Variants in GOLGA1 observed in about 807,000 individuals in gnomAD.
GOLGA1 encodes the protein golgin A1, also known as golgin subfamily A member 1.
Under a neutral mutation model 119.7 loss-of-function variants are expected in GOLGA1, and 63 were observed. The ratio of observed to expected loss-of-function variants is 0.53; its 90% confidence interval spans 0.43 to 0.65. The LOEUF is 0.65. Ranked by LOEUF, GOLGA1 falls within the 30% of genes least tolerant of loss-of-function variation. The probability of loss-of-function intolerance (pLI) is 0.00; values close to 1 mark genes in which losing one functional copy is unlikely to be tolerated. For synonymous variants in GOLGA1, 318 were observed against 333.4 expected (o/e 0.95, Z 0.50); for missense variants, 798 against 912.8 (o/e 0.87, Z 1.62).
At chr9:124,895,199 CA>C (rs1829940479) in intron 15 of GOLGA1, among the ~76,000 whole-genome samples, 1 of 149,966 alleles carries the variant, frequency 6.7e-6, no homozygotes, top group African/African-American at 2.5e-5. Context: ...AACAGAGAAC[CA>C]TCCACAACAG....
intron 10 of GOLGA1, among the ~76,000 whole-genome samples, chr9:124,915,605 T>C (rs186579064): frequency 1.3e-5 from 2 of 152,090 alleles, no homozygotes; most frequent in African/African-American, 4.8e-5. Flanking sequence ...ATCCCAGCAC[T>C]GTGAGAGGCC....
At position 124,921,636 on chromosome 9, in the gene GOLGA1, G is replaced by A. The variant is rs1002762500; in HGVS notation, c.731+87C>T. The A allele has an allele frequency of 1.4e-5, 14 of 1,034,032 alleles. No homozygotes were observed. The African/African-American group carries it at 1.8e-4, about 13-fold the overall frequency. 64.1% of individuals were successfully genotyped at this position (1,034,032 alleles called of 1,614,324 possible). A position where few individuals can be genotyped will look rare whatever the true frequency, so the allele number is the denominator to read the frequency against. ...GCCAGCACCGGAATCAGAAAGTGGT[G>A]TAATGAACAATGGGGAAAGGTGGGC... On this transcript the variant is annotated intron_variant, in intron 9 of 22. Coordinates refer to ENST00000373555, the MANE Select transcript of GOLGA1 (RefSeq NM_002077.4).
rs3051147 is a variant in GOLGA1 at position 124,939,550 on chromosome 9, C to CTTTTTTT, written c.-156+549_-156+555dup. On this transcript the variant is annotated intron_variant, in intron 2 of 22. Transcript: ENST00000373555. ...TCCAATGAGTTTATTTTCTTTCTTTCTTTTTTTTTTTTTTTTTTTTTTTTT... is the reference window on the plus strand; with the variant it reads ...TCCAATGAGTTTATTTTCTTTCTTTCTTTTTTTTTTTTTTTTTTTTTTTTTTTTTTTT... Among the ~76,000 whole-genome samples, 109 of 81,840 alleles carry CTTTTTTT rather than the reference C, an allele frequency of 1.3e-3. 1 individual carries two copies. The highest frequency in any genetic ancestry group is 2.0e-3 in the Non-Finnish European group (84 of 42,120). 53.7% of individuals were successfully genotyped at this position (81,840 alleles called of 152,430 possible).
intron 19 of GOLGA1, among the ~76,000 whole-genome samples, chr9:124,884,823 T>C (rs963595334): frequency 6.6e-6 from 1 of 152,158 alleles, no homozygotes; most frequent in East Asian, 1.9e-4. Context: ...ATTCATCTAA[T>C]AGTTACTGAG....
At chr9:124,939,550 C>CTTTCTTTTTTTTTTTT (rs1830954280) in intron 2 of GOLGA1, among the ~76,000 whole-genome samples, 16 of 81,840 alleles carry the variant, frequency 2.0e-4, no homozygotes, top group African/African-American at 5.7e-4. Flanking sequence ...TTCTTTCTTT[C>CTTTCTTTTTTTTTTTT]TTTTTTTTTT....
chr9:124,882,654 C>T, intron 19 of GOLGA1, 85 bp from the exon 20 acceptor site: 1 of 1,053,690 alleles, frequency 9.5e-7, no homozygotes, highest in Non-Finnish European at 1.4e-6. Context: ...CCACGGGATC[C>T]CCTGTACACC....
At chr9:124,897,600 C>T (rs1830008539) in intron 15 of GOLGA1, among the ~76,000 whole-genome samples, 1 of 152,198 alleles carries the variant, frequency 6.6e-6, no homozygotes, top group African/African-American at 2.4e-5. Flanking sequence ...CCTGGCCTCT[C>T]AAAGTGCTAG....
At chr9:124,937,151 A>C (rs1440133021) in intron 3 of GOLGA1, among the ~76,000 whole-genome samples, 1 of 152,118 alleles carries the variant, frequency 6.6e-6, no homozygotes, top group Non-Finnish European at 1.5e-5. Context: ...AGCATTATAA[A>C]TGAGTTTTAA....
rs1325285571 is a variant in GOLGA1, at chr9:124,921,843, G to A, written c.611C>T (p.Ala204Val). The change falls in exon 9 of 23, where the codon GCA (alanine) becomes GTA (valine). Residue 204 changes from alanine to valine, a missense_variant. By Grantham distance (64) the Ala-to-Val change is moderately conservative. Coordinates refer to ENST00000373555, the MANE Select transcript of GOLGA1 (RefSeq NM_002077.4). Reference sequence around the variant, plus strand: ...GGTACGACTAAGTTCTCTGGTTCGTGCCTCCAATTCTTGTTCCATTTTCCC... The same window carrying A: ...GGTACGACTAAGTTCTCTGGTTCGTACCTCCAATTCTTGTTCCATTTTCCC... Reference protein sequence around the residue: ...SLGKMEQELEARTRELSRTQE... With the variant: ...SLGKMEQELEVRTRELSRTQE... 2 of 1,613,336 alleles carry A rather than the reference G, an allele frequency of 1.2e-6. No individual in the cohort carries two copies. Among genetic ancestry groups the A allele is most frequent in the Non-Finnish European group, 1.7e-6 (2 of 1,179,324 alleles).
At chr9:124,885,099 C>A (rs559321946) in intron 19 of GOLGA1, among the ~76,000 whole-genome samples, 1 of 152,152 alleles carries the variant, frequency 6.6e-6, no homozygotes, top group East Asian at 1.9e-4. Context: ...GAGGCCGAGG[C>A]GGGCAGATCA....
intron 10 of GOLGA1, among the ~76,000 whole-genome samples, 193 bp from the exon 11 acceptor site, chr9:124,912,219 G>C (rs1339655979): frequency 6.6e-6 from 1 of 152,178 alleles, no homozygotes; most frequent in Non-Finnish European, 1.5e-5. Context: ...CAGGGATCCA[G>C]CTCAGACCTA....
intron 12 of GOLGA1, among the ~76,000 whole-genome samples, chr9:124,902,715 T>A (rs975600774): frequency 6.6e-6 from 1 of 152,020 alleles, no homozygotes; most frequent in Non-Finnish European, 1.5e-5. Context: ...GGTCTCGATC[T>A]CCTGACCTTG....
intron 20 of GOLGA1, 82 bp downstream of exon 20, chr9:124,882,428 C>T (rs531508974): frequency 1.5e-4 from 145 of 973,084 alleles, no homozygotes; most frequent in African/African-American, 1.0e-3. Flanking sequence ...CATAGTCAGG[C>T]GGCGAGGGAC....
chr9:124,918,103 C>T (rs1216544106), intron 10 of GOLGA1, among the ~76,000 whole-genome samples: 1 of 152,170 alleles, frequency 6.6e-6, no homozygotes, highest in Non-Finnish European at 1.5e-5. Flanking sequence ...CCACCTGCCT[C>T]GGCCTCCCAA....
chr9:124,892,928 A>G (rs1829887994), intron 15 of GOLGA1, among the ~76,000 whole-genome samples: 1 of 129,824 alleles, frequency 7.7e-6, no homozygotes, highest in African/African-American at 2.7e-5. Context: ...GAGAAATTCC[A>G]TCTCAAAAAA....
intron 15 of GOLGA1, among the ~76,000 whole-genome samples, chr9:124,891,648 T>G (rs572194359): frequency 5.3e-5 from 8 of 151,940 alleles, no homozygotes; most frequent in Non-Finnish European, 1.0e-4. Context: ...CTTTTGTTTT[T>G]TTTTTTCTTT....
chr9:124,942,042 G>A (rs1057005952), upstream of GOLGA1, among the ~76,000 whole-genome samples: 2 of 152,194 alleles, frequency 1.3e-5, no homozygotes, highest in Admixed American at 6.5e-5. Flanking sequence ...TTGAGAAGCC[G>A]AGGCGGGTGG....
chr9:124,945,706 G>A (rs1289215247), upstream of GOLGA1: 1 of 152,088 alleles, frequency 6.6e-6, no homozygotes, highest in Non-Finnish European at 1.5e-5. Flanking sequence ...ACATCATCCT[G>A]ACACCCTTCC....
chr9:124,928,994 C>T (rs1296273837), intron 5 of GOLGA1, among the ~76,000 whole-genome samples: 1 of 152,144 alleles, frequency 6.6e-6, no homozygotes, highest in African/African-American at 2.4e-5. Flanking sequence ...AGCTGATACA[C>T]ATAATGACCT....
Sources: allele counts gnomAD v4.1 joint callset (sites outside exome capture counted in the v4.1 genomes callset), GRCh38; gene constraint gnomAD v4.1.1; transcripts MANE v1.5; gene names NCBI Gene and HGNC (gene_info 2026-07-23, HGNC 2026-07-21).